FBXW11: variants seen among roughly 807,000 people sequenced by gnomAD.
FBXW11 encodes the protein F-box/WD repeat-containing protein 11.
Under a neutral mutation model 77.6 loss-of-function variants are expected in FBXW11, and 19 were observed. The ratio of observed to expected loss-of-function variants is 0.24; its 90% confidence interval spans 0.17 to 0.36. The LOEUF is 0.36. Among genes scored for constraint, FBXW11 ranks in the 10% least tolerant of loss-of-function variants. The pLI is 1.00. For missense variants in FBXW11, 334 were observed against 704.2 expected (o/e 0.47, Z 5.95); for synonymous variants, 235 against 249.4 (o/e 0.94, Z 0.54).
chr5:171,931,475 A>G (rs1200346555), intron 2 of FBXW11, among the ~76,000 whole-genome samples: 1 of 152,214 alleles, frequency 6.6e-6, no homozygotes, highest in African/African-American at 2.4e-5. Flanking sequence ...CTATATGCAA[A>G]AAAAATGAAT....
intron 2 of FBXW11, 146 bp downstream of exon 2, chr5:171,957,451 T>C: frequency 1.3e-6 from 1 of 777,172 alleles, no homozygotes; most frequent in East Asian, 2.5e-5. Context: ...AACTCCTCCA[T>C]GTGGGGCACC....
intron 7 of FBXW11, among the ~76,000 whole-genome samples, chr5:171,879,477 G>A (rs1189781556): frequency 1.3e-5 from 2 of 152,198 alleles, no homozygotes; most frequent in Non-Finnish European, 2.9e-5. Flanking sequence ...ATACTAAGTG[G>A]TATATATGGT....
At chr5:172,002,696 C>CTTTTTTTTTTTTTTTTT (rs34300477) in intron 1 of FBXW11, among the ~76,000 whole-genome samples, 77 of 97,044 alleles carry the variant, frequency 7.9e-4, no homozygotes, top group African/African-American at 1.0e-3. Flanking sequence ...TTTTTCTTTT[C>CTTTTTTTTTTTTTTTTT]TTTTTTTTTT....
chr5:171,950,578 C>A (rs995626471), intron 2 of FBXW11, among the ~76,000 whole-genome samples: 1 of 151,964 alleles, frequency 6.6e-6, no homozygotes, highest in Non-Finnish European at 1.5e-5. Context: ...CTAGGGTGAG[C>A]CCATTTCCTC....
At chr5:171,873,544 A>T (rs1581127165) in intron 9 of FBXW11, among the ~76,000 whole-genome samples, 1 of 152,286 alleles carries the variant, frequency 6.6e-6, no homozygotes, top group East Asian at 1.9e-4. Flanking sequence ...CAGGGAGCTG[A>T]GGTGAAAGGA....
At chr5:171,897,131 G>C (rs1008695236) in intron 6 of FBXW11, among the ~76,000 whole-genome samples, 3 of 152,168 alleles carry the variant, frequency 2.0e-5, no homozygotes, top group African/African-American at 7.2e-5. Context: ...ACCTTCTAAG[G>C]TTTCCTCAAA....
intron 9 of FBXW11, among the ~76,000 whole-genome samples, chr5:171,875,438 C>T (rs1758015491): frequency 6.6e-6 from 1 of 152,082 alleles, no homozygotes; most frequent in Non-Finnish European, 1.5e-5. Context: ...GAGTGATCAC[C>T]AGGGACTGGG....
At position 171,900,117 on chromosome 5, in the gene FBXW11, G is replaced by A. The variant is rs1760012936; in HGVS notation, c.437-17C>T. 4 of 1,580,214 alleles carry A rather than the reference G, an allele frequency of 2.5e-6. No homozygotes were observed. The African/African-American group carries it at 4.1e-5, about 16-fold the overall frequency. ...AGCCTTGCTCTACAAAACAGAAAAG[G>A]GAATGAAGGAACGGGAAGAGAGATA... On this transcript the variant is annotated splice_polypyrimidine_tract_variant and intron_variant, in intron 4 of 13. Coordinates refer to ENST00000517395, the MANE Select transcript of FBXW11 (RefSeq NM_001378974.1).
At chr5:171,914,629 T>C (rs1030075302) in intron 2 of FBXW11, among the ~76,000 whole-genome samples, 1 of 152,186 alleles carries the variant, frequency 6.6e-6, no homozygotes, top group African/African-American at 2.4e-5. Context: ...AAGTCATTAT[T>C]TACAAAGGTT....
chr5:171,923,164 T>G (rs1357077065), intron 2 of FBXW11, among the ~76,000 whole-genome samples: 2 of 152,204 alleles, frequency 1.3e-5, no homozygotes, highest in African/African-American at 4.8e-5. Flanking sequence ...TCTGCCCGCC[T>G]CAGCCTCCCA....
intron 1 of FBXW11, among the ~76,000 whole-genome samples, chr5:171,986,285 GTAGTTGCAGCTACTCAGAAGGCTGAGGCC>G (rs1478344303): frequency 6.6e-6 from 1 of 151,882 alleles, no homozygotes; most frequent in African/African-American, 2.4e-5. Context: ...GTATGCACCT[GTAGTTGCAGCTACTCAGAAGGCTGAGGCC>G]TAAGAATCAC....
intron 3 of FBXW11, among the ~76,000 whole-genome samples, chr5:171,914,017 G>GTA (rs1185197527): frequency 1.3e-5 from 2 of 152,208 alleles, no homozygotes; most frequent in Non-Finnish European, 2.9e-5. Flanking sequence ...GGTCATCCAT[G>GTA]TATACACTGG....
intron 1 of FBXW11, among the ~76,000 whole-genome samples, chr5:171,963,951 A>G (rs561125468): frequency 1.3e-5 from 2 of 152,318 alleles, no homozygotes; most frequent in South Asian, 4.1e-4. Flanking sequence ...TGAATGTGTT[A>G]AATTCCTTTA....
At chr5:171,926,939 C>T (rs2114014823) in intron 2 of FBXW11, among the ~76,000 whole-genome samples, 1 of 152,142 alleles carries the variant, frequency 6.6e-6, no homozygotes, top group Non-Finnish European at 1.5e-5. Context: ...AAAGAATGGT[C>T]TTTTAAATAA....
At chr5:171,936,801 G>A (rs765924121) in intron 2 of FBXW11, among the ~76,000 whole-genome samples, 39 of 152,116 alleles carry the variant, frequency 2.6e-4, no homozygotes, top group Admixed American at 1.2e-3. Context: ...TTTCCAGCAC[G>A]TGTAAAAAAT....
intron 11 of FBXW11, 79 bp downstream of exon 11, chr5:171,870,668 AC>A (rs1757701760): frequency 1.9e-6 from 2 of 1,047,766 alleles, no homozygotes; most frequent in Admixed American, 3.7e-5. Context: ...CCTGGTACAT[AC>A]AGAGTTGCTT....
intron 1 of FBXW11, among the ~76,000 whole-genome samples, chr5:171,962,893 T>C (rs1445233918): frequency 6.6e-6 from 1 of 152,216 alleles, no homozygotes; most frequent in Non-Finnish European, 1.5e-5. Flanking sequence ...TATTTTATGT[T>C]AATCATCTCT....
intron 1 of FBXW11, among the ~76,000 whole-genome samples, chr5:171,966,727 C>T (rs554206442): frequency 2.7e-3 from 414 of 152,248 alleles, no homozygotes; most frequent in Admixed American, 5.0e-3. Context: ...CAGCTGTGGT[C>T]CAACTAGGAA....
chr5:171,908,605 A>C (rs1760680195), intron 4 of FBXW11: 1 of 152,244 alleles, frequency 6.6e-6, no homozygotes, highest in Admixed American at 6.5e-5. Context: ...GGAAGAAATG[A>C]GCAAGTCATG....
Sources: gnomAD v4.1 joint callset for allele counts (sites outside exome capture counted in the v4.1 genomes callset) on GRCh38, gnomAD v4.1.1 for gene constraint, MANE v1.5 for transcripts, NCBI Gene and HGNC (gene_info 2026-07-23, HGNC 2026-07-21) for gene names.